Variants in AFG2A observed in about 807,000 individuals in gnomAD.
AFG2A encodes the protein AAA ATPase AFG2A.
At chr4:123,302,444 C>T in the AFG2A span, among the ~76,000 whole-genome samples, 1 of 152,158 alleles carries the variant, frequency 6.6e-6, no homozygotes, top group Admixed American at 6.5e-5. Flanking sequence ...CTTTTTAGTC[C>T]ATAGTAGACA....
the AFG2A span, chr4:123,316,733 T>C: frequency 6.6e-6 from 1 of 152,088 alleles, no homozygotes; most frequent in African/African-American, 2.4e-5. Context: ...AGTTTAGATA[T>C]TAATAGCCAC....
the AFG2A span, among the ~76,000 whole-genome samples, chr4:123,264,256 C>T: frequency 3.9e-5 from 6 of 152,094 alleles, no homozygotes; most frequent in African/African-American, 1.4e-4. Context: ...ACATTGGGTA[C>T]AGTGTACACT....
chr4:122,941,496 T>G, the AFG2A span, among the ~76,000 whole-genome samples: 1 of 152,284 alleles, frequency 6.6e-6, no homozygotes, highest in South Asian at 2.1e-4. Context: ...ATCCTGGGAC[T>G]TTGCTGAAGT....
the AFG2A span, among the ~76,000 whole-genome samples, chr4:123,183,801 A>G: frequency 1.3e-5 from 2 of 152,114 alleles, no homozygotes; most frequent in Admixed American, 6.6e-5. Context: ...GCTCTGTCAC[A>G]CAGGCTGGGA....
At chr4:123,293,813 A>G in the AFG2A span, among the ~76,000 whole-genome samples, 1 of 152,192 alleles carries the variant, frequency 6.6e-6, no homozygotes, top group Non-Finnish European at 1.5e-5. Flanking sequence ...AGACCTAGAG[A>G]TGCTGAGAGC....
the AFG2A span, among the ~76,000 whole-genome samples, chr4:123,223,375 T>C: frequency 1.3e-5 from 2 of 152,180 alleles, no homozygotes; most frequent in Admixed American, 1.3e-4. Flanking sequence ...AGCCCATTTT[T>C]AATTTGGGTT....
At chr4:123,119,276 G>C in the AFG2A span, among the ~76,000 whole-genome samples, 10 of 152,110 alleles carry the variant, frequency 6.6e-5, no homozygotes, top group Non-Finnish European at 1.2e-4. Flanking sequence ...AACGTATTAA[G>C]TGTTTAGTAA....
At chr4:123,113,063 C>T in the AFG2A span, among the ~76,000 whole-genome samples, 1 of 152,046 alleles carries the variant, frequency 6.6e-6, no homozygotes, top group Non-Finnish European at 1.5e-5. Context: ...TGATGAGTAT[C>T]ATTGGCTTTT....
chr4:123,003,997 C>T, the AFG2A span, among the ~76,000 whole-genome samples: 16 of 152,306 alleles, frequency 1.1e-4, no homozygotes, highest in African/African-American at 3.1e-4. Flanking sequence ...TTTACCTAAG[C>T]GAGCCTGAGC....
chr4:123,271,156 C>T, the AFG2A span, among the ~76,000 whole-genome samples: 2 of 152,154 alleles, frequency 1.3e-5, no homozygotes, highest in East Asian at 1.9e-4. Flanking sequence ...CACTTAGGTG[C>T]CAAGTTCAAG....
the AFG2A span, among the ~76,000 whole-genome samples, chr4:123,237,953 A>C: frequency 1.2e-4 from 18 of 152,180 alleles, no homozygotes; most frequent in African/African-American, 4.1e-4. Context: ...AGTACCTGGA[A>C]TATCGCTACA....
At chr4:122,995,772 C>A in the AFG2A span, among the ~76,000 whole-genome samples, 1 of 152,144 alleles carries the variant, frequency 6.6e-6, no homozygotes, top group Non-Finnish European at 1.5e-5. Flanking sequence ...GTGATAGAGG[C>A]ATTATGCTAC....
the AFG2A span, among the ~76,000 whole-genome samples, chr4:123,313,599 A>G: frequency 6.6e-6 from 1 of 152,238 alleles, no homozygotes; most frequent in Non-Finnish European, 1.5e-5. Flanking sequence ...CCTTACAGTT[A>G]AGAGCAAATG....
the AFG2A span, among the ~76,000 whole-genome samples, chr4:122,944,304 G>T: frequency 6.6e-6 from 1 of 151,732 alleles, no homozygotes. Flanking sequence ...TTTTCACATA[G>T]TCCCATATTT....
the AFG2A span, among the ~76,000 whole-genome samples, chr4:122,987,891 T>A: frequency 6.6e-5 from 10 of 152,324 alleles, no homozygotes; most frequent in African/African-American, 2.4e-4. Context: ...TATTCTTACC[T>A]TTACAGGGGG....
At chr4:123,149,572 G>T in the AFG2A span, among the ~76,000 whole-genome samples, 2 of 152,086 alleles carry the variant, frequency 1.3e-5, no homozygotes, top group Non-Finnish European at 2.9e-5. Context: ...ATGTACATCA[G>T]AATATGCAAA....
chr4:123,105,558 G>A, the AFG2A span, among the ~76,000 whole-genome samples: 1 of 152,260 alleles, frequency 6.6e-6, no homozygotes, highest in Non-Finnish European at 1.5e-5. Context: ...CTTGAAAGGA[G>A]TCACCATTCT....
the AFG2A span, chr4:122,947,439 T>TG: frequency 6.2e-7 from 1 of 1,614,092 alleles, no homozygotes; most frequent in Non-Finnish European, 8.5e-7. Context: ...TGGCAAATAG[T>TG]GCTCATGGAT....
the AFG2A span, among the ~76,000 whole-genome samples, chr4:123,209,586 A>ATTTT: frequency 0.019 from 2,215 of 116,162 alleles, 97 homozygotes; most frequent in African/African-American, 0.065. Context: ...TGCATCAAGA[A>ATTTT]TTTTTTTTTT....
Sources: gnomAD v4.1 joint callset for allele counts (sites outside exome capture counted in the v4.1 genomes callset) on GRCh38, gnomAD v4.1.1 for gene constraint, MANE v1.5 for transcripts, NCBI Gene and HGNC (gene_info 2026-07-23, HGNC 2026-07-21) for gene names.